Variants in CYP2C19 observed in about 807,000 individuals in gnomAD.
The protein encoded by CYP2C19 is cytochrome P450 family 2 subfamily C member 19.
Under a neutral mutation model 40.9 loss-of-function variants are expected in CYP2C19, and 59 were observed. That is an observed-to-expected ratio of 1.44 (90% CI 1.17 to 1.79). The LOEUF (loss-of-function observed/expected upper bound fraction) is 1.79. Ranked by LOEUF, CYP2C19 falls within the 40% of genes most tolerant of loss-of-function variation. CYP2C19 has a pLI of 0.00. For synonymous variants in CYP2C19, 253 were observed against 208.7 expected (o/e 1.21, Z -1.83); for missense variants, 754 against 596.9 (o/e 1.26, Z -2.74).
intron 1 of CYP2C19, among the ~76,000 whole-genome samples, chr10:94,772,612 G>C (rs1388545202): frequency 6.6e-6 from 1 of 152,194 alleles, no homozygotes; most frequent in African/African-American, 2.4e-5. Flanking sequence ...CCCCGGAGCT[G>C]AATGGCTTTC....
chr10:94,782,082 A>T, intron 5 of CYP2C19, 85 bp downstream of exon 5: 1 of 1,175,354 alleles, frequency 8.5e-7, no homozygotes, highest in Non-Finnish European at 1.2e-6. Context: ...ACGGATGTTT[A>T]ACAGGTCAAG....
chr10:94,766,992 G>A (rs554347445), intron 1 of CYP2C19, among the ~76,000 whole-genome samples: 9 of 152,212 alleles, frequency 5.9e-5, no homozygotes, highest in African/African-American at 2.2e-4. Context: ...ATATCCTTCA[G>A]GTAGGTTTTT....
chr10:94,843,037 C>T lies in CYP2C19; in HGVS notation c.1149+13C>T, dbSNP rs1381092250. On this transcript the variant is annotated intron_variant, in intron 7 of 8. Coordinates refer to ENST00000371321, the MANE Select transcript of CYP2C19 (RefSeq NM_000769.4). ...CCTCATTCCCAAGGTAAGTTTGTTTCTCCTACACTGCAACTCCATGTTCTT... is the reference window on the plus strand; with the variant it reads ...CCTCATTCCCAAGGTAAGTTTGTTTTTCCTACACTGCAACTCCATGTTCTT... The T allele has an allele frequency of 5.0e-6, 8 of 1,613,586 alleles. No homozygotes were observed. Among genetic ancestry groups the T allele is most frequent in the Admixed American group, 1.7e-5 (1 of 60,024 alleles).
In CYP2C19 at chr10:94,780,628, A is replaced by T. The variant is rs1564662986; in HGVS notation, c.611A>T (p.Asn204Ile). The T allele has an allele frequency of 6.2e-7, 1 of 1,613,816 alleles. No individual in the cohort carries two copies. Among genetic ancestry groups the T allele is most frequent in the South Asian group, 1.1e-5 (1 of 91,076 alleles). ...FLNLMEKLNE[N>I]IRIVSTPWIQ... Reference sequence around the variant, plus strand: ...AACTTGATGGAAAAATTGAATGAAAACATCAGGATTGTAAGCACCCCCTGG... The same window carrying T: ...AACTTGATGGAAAAATTGAATGAAATCATCAGGATTGTAAGCACCCCCTGG... Residue 204 changes from asparagine to isoleucine, a missense_variant, in exon 4 of 9, where the codon AAC (asparagine) becomes ATC (isoleucine). Transcript: ENST00000371321.
intron 7 of CYP2C19, among the ~76,000 whole-genome samples, chr10:94,847,234 C>T (rs1319842512): frequency 6.6e-6 from 1 of 152,090 alleles, no homozygotes; most frequent in Non-Finnish European, 1.5e-5. Flanking sequence ...TCCCTCCCTC[C>T]ACCCCAAAAC....
chr10:94,834,943 C>T (rs111406687), intron 6 of CYP2C19, among the ~76,000 whole-genome samples: 7,320 of 152,180 alleles, frequency 0.048, 232 homozygotes, highest in South Asian at 0.11. Context: ...GGTTGGCCGA[C>T]GACTGCTCTA....
chr10:94,826,443 G>T (rs1849223551), intron 6 of CYP2C19, among the ~76,000 whole-genome samples: 2 of 152,314 alleles, frequency 1.3e-5, no homozygotes, highest in South Asian at 2.1e-4. Flanking sequence ...GTTCACTCAT[G>T]ATTTGGCACT....
chr10:94,823,720 A>T (rs2134271102), intron 6 of CYP2C19, among the ~76,000 whole-genome samples: 1 of 152,344 alleles, frequency 6.6e-6, no homozygotes, highest in East Asian at 1.9e-4. Context: ...TATTTAGCAT[A>T]TTAATAGAAA....
At chr10:94,845,097 T>G (rs1264134318) in intron 7 of CYP2C19, among the ~76,000 whole-genome samples, 1 of 152,146 alleles carries the variant, frequency 6.6e-6, no homozygotes, top group African/African-American at 2.4e-5. Context: ...TTCTACCCTC[T>G]TTACAAATCA....
rs192066043 is a variant in CYP2C19, at chr10:94,839,211, T to C, written c.962-3626T>C. ...TAGCAGTCCTGCATCTGTTTTTCCA[T>C]CTCTCTTGACCACAAAGAAAGGGGC... On this transcript the variant is annotated intron_variant, in intron 6 of 8. Transcript: ENST00000371321. 3.1e-3 allele frequency among the ~76,000 whole-genome samples: 474 copies of C among 151,242 alleles called. 3 individuals are homozygous for C. Among genetic ancestry groups the C allele is most frequent in the African/African-American group, 0.011 (451 of 41,144 alleles).
chr10:94,820,383 T>G (rs28399511), intron 5 of CYP2C19, 113 bp from the exon 6 acceptor site: 77,467 of 1,253,734 alleles, frequency 0.062, 2,780 homozygotes, highest in South Asian at 0.11. Flanking sequence ...TTTCTAGTAC[T>G]ATACTTTACA....
intron 5 of CYP2C19, among the ~76,000 whole-genome samples, chr10:94,815,818 T>C (rs1391432403): frequency 6.6e-6 from 1 of 152,230 alleles, no homozygotes; most frequent in Admixed American, 6.5e-5. Flanking sequence ...GCTTTTTTCA[T>C]ATCTGTTTTT....
chr10:94,827,240 C>G (rs1380120211), intron 6 of CYP2C19, among the ~76,000 whole-genome samples: 30 of 151,982 alleles, frequency 2.0e-4, no homozygotes, highest in Non-Finnish European at 3.4e-4. Context: ...AGGAATGGTA[C>G]CAGTTCCTCC....
chr10:94,780,309 A>C (rs952982943), intron 3 of CYP2C19, among the ~76,000 whole-genome samples, 190 bp from the exon 4 acceptor site: 3 of 152,168 alleles, frequency 2.0e-5, no homozygotes, highest in Non-Finnish European at 4.4e-5. Flanking sequence ...GCTAGGCTGT[A>C]ATTGTTAATT....
chr10:94,814,207 C>A (rs1338214597), intron 5 of CYP2C19, among the ~76,000 whole-genome samples: 1 of 151,682 alleles, frequency 6.6e-6, no homozygotes, highest in East Asian at 1.9e-4. Context: ...CTGGGAGCTG[C>A]TGACTGGAGC....
In CYP2C19 at chr10:94,802,673, C is replaced by T. The variant is rs549153196; in HGVS notation, c.820-17823C>T. Among the ~76,000 whole-genome samples, 471 of 152,184 alleles carry T rather than the reference C, an allele frequency of 3.1e-3. 3 individuals carry two copies. Among genetic ancestry groups the T allele is most frequent in the African/African-American group, 0.011 (448 of 41,546 alleles). The stretch of plus-strand genomic sequence containing the variant: ...CTTGTTAGTTGATGCAGTTTCTTCA[C>T]AGAGTCAATGATCTTTACAATTTGG... On this transcript the variant is annotated intron_variant, in intron 5 of 8. Coordinates refer to ENST00000371321, the MANE Select transcript of CYP2C19 (RefSeq NM_000769.4).
At chr10:94,833,608 C>G (rs978677332) in intron 6 of CYP2C19, among the ~76,000 whole-genome samples, 2 of 152,118 alleles carry the variant, frequency 1.3e-5, no homozygotes, top group Non-Finnish European at 2.9e-5. Flanking sequence ...CCATGGAATA[C>G]TATGCAGCCA....
At chr10:94,794,478 A>G (rs1269285517) in intron 5 of CYP2C19, among the ~76,000 whole-genome samples, 1 of 152,112 alleles carries the variant, frequency 6.6e-6, no homozygotes, top group Non-Finnish European at 1.5e-5. Flanking sequence ...CTATTCGGCC[A>G]CCTTGGAACC....
Position 94,842,938 on chromosome 10 carries a change from G to A in CYP2C19, c.1063G>A (p.Val355Ile). 6.2e-7 allele frequency: 1 copy of A among 1,614,194 alleles called. No homozygotes were observed. The highest frequency in any genetic ancestry group is 8.5e-7 in the Non-Finnish European group (1 of 1,180,038). Reference sequence around the variant, plus strand: ...CTACACAGATGCTGTGGTGCACGAGGTCCAGAGATACATCGACCTCATCCC... The same window carrying A: ...CTACACAGATGCTGTGGTGCACGAGATCCAGAGATACATCGACCTCATCCC... ...MPYTDAVVHE[V>I]QRYIDLIPTS... is the part of the protein sequence containing the mutation. Residue 355 changes from valine (V) to isoleucine (I), a missense_variant, in exon 7 of 9, where the codon GTC (valine) becomes ATC (isoleucine). Physicochemically the swap from Val to Ile is conservative, Grantham distance 29. Transcript: ENST00000371321.
Sources: allele counts gnomAD v4.1 joint callset (sites outside exome capture counted in the v4.1 genomes callset), GRCh38; gene constraint gnomAD v4.1.1; transcripts MANE v1.5; gene names NCBI Gene and HGNC (gene_info 2026-07-23, HGNC 2026-07-21).